NHS: variants seen among roughly 807,000 people sequenced by gnomAD.
The protein encoded by NHS is actin remodeling regulator NHS.
In NHS, 5 loss-of-function variants were observed where a neutral mutation model predicts 72.5. That is an observed-to-expected ratio of 0.07 (90% CI 0.04 to 0.14). NHS has a LOEUF of 0.14. Among genes scored for constraint, NHS ranks in the 10% least tolerant of loss-of-function variants. NHS has a pLI of 1.00. For missense variants in NHS, 1,072 were observed against 1,355.7 expected (o/e 0.79, Z 3.29); for synonymous variants, 464 against 547.7 (o/e 0.85, Z 2.13).
At chrX:17,379,792 T>C (rs1378737273) in intron 1 of NHS, among the ~76,000 whole-genome samples, 2 of 111,817 alleles carry the variant, frequency 1.8e-5, no homozygotes, top group African/African-American at 6.5e-5. Flanking sequence ...ATAGTAATAA[T>C]AATAACTGGT....
rs151101283 is a variant in NHS at position 17,505,627 on chromosome X, G to GTT, written c.565+129318_565+129319dup. Among the ~76,000 whole-genome samples, 884 of 99,519 alleles carry GTT rather than the reference G, an allele frequency of 8.9e-3. 15 individuals carry two copies. The highest frequency in any genetic ancestry group is 0.03 in the African/African-American group (828 of 27,602). The allele number at this position is 99,519 out of a possible 115,157, so 86.4% of individuals were successfully genotyped here. On this transcript the variant is annotated intron_variant, in intron 1 of 8. Coordinates refer to ENST00000676302, the MANE Select transcript of NHS (RefSeq NM_001291867.2). ...AATGAATAGTGACACCGGGATCAGT[G>GTT]TTTTTTTTTTTTTTCCATATGAGGA...
intron 8 of NHS, among the ~76,000 whole-genome samples, chrX:17,729,981 C>T (rs749794711): frequency 6.8e-4 from 76 of 112,328 alleles, no homozygotes; most frequent in Admixed American, 2.3e-3. Flanking sequence ...AGAAGGAGTA[C>T]TGCTGTTCAA....
chrX:17,438,112 C>T (rs1214750361), intron 1 of NHS, among the ~76,000 whole-genome samples: 1 of 112,117 alleles, frequency 8.9e-6, no homozygotes, highest in Non-Finnish European at 1.9e-5. Context: ...GCATTTGAAA[C>T]TTTAGTGCAT....
chrX:17,473,958 G>A (rs1195012145), intron 1 of NHS, among the ~76,000 whole-genome samples: 2 of 110,474 alleles, frequency 1.8e-5, no homozygotes, highest in Admixed American at 1.9e-4. Context: ...GGGGGTACAC[G>A]TGAAGGTTTG....
chrX:17,548,393 C>T (rs1353801099), intron 1 of NHS, among the ~76,000 whole-genome samples: 2 of 111,089 alleles, frequency 1.8e-5, no homozygotes, highest in East Asian at 2.8e-4. Flanking sequence ...CACATTTTTC[C>T]TGGGCTCCAT....
chrX:17,429,656 A>C (rs965119159), intron 1 of NHS, among the ~76,000 whole-genome samples: 1 of 111,529 alleles, frequency 9.0e-6, no homozygotes, highest in Non-Finnish European at 1.9e-5. Context: ...AGGCAAACCC[A>C]GGATCCATGC....
intron 3 of NHS, among the ~76,000 whole-genome samples, chrX:17,710,013 G>A (rs1437999422): frequency 8.9e-6 from 1 of 111,804 alleles, no homozygotes; most frequent in Non-Finnish European, 1.9e-5. Context: ...ACCACTGCTG[G>A]GACAATGCTA....
rs1235606186 is a variant in NHS, at chrX:17,624,777, C to G, written c.566-62965C>G. Among the ~76,000 whole-genome samples the G allele has an allele frequency of 2.7e-5, 3 of 112,686 alleles. No individual in the cohort carries two copies. In the Admixed American group the frequency reaches 2.8e-4, roughly 11 times the overall value. Reference sequence around the variant, plus strand: ...GAGAGAAAGCCCTCAGGCAGAACAACAGAGAGAACTGGATGGTTGTGGTGG... The same window carrying G: ...GAGAGAAAGCCCTCAGGCAGAACAAGAGAGAGAACTGGATGGTTGTGGTGG... On this transcript the variant is annotated intron_variant, in intron 1 of 8. Transcript: ENST00000676302.
rs775384162 is a variant in NHS, at chrX:17,653,155, G to A, written c.566-34587G>A. Among the ~76,000 whole-genome samples, 5 of 112,377 alleles carry A rather than the reference G, an allele frequency of 4.4e-5. No individual in the cohort carries two copies. In the South Asian group the frequency reaches 1.9e-3, roughly 42 times the overall value. On this transcript the variant is annotated intron_variant, in intron 1 of 8. Transcript: ENST00000676302. ...TTATGTGTGAAGACCTCAAACACAG[G>A]TAGGAAGGAACCATCTTTGTTGAGC...
intron 1 of NHS, among the ~76,000 whole-genome samples, chrX:17,482,207 C>A (rs1423816168): frequency 8.9e-6 from 1 of 112,084 alleles, no homozygotes; most frequent in African/African-American, 3.2e-5. Flanking sequence ...GGAGCTCCTG[C>A]AGTGGAATTT....
At chrX:17,539,084 T>C (rs1569276253) in intron 1 of NHS, among the ~76,000 whole-genome samples, 1 of 112,456 alleles carries the variant, frequency 8.9e-6, no homozygotes. Flanking sequence ...TCTCACTGCA[T>C]CCCCACTGCA....
intron 1 of NHS, among the ~76,000 whole-genome samples, chrX:17,571,611 A>T (rs1057132096): frequency 8.9e-5 from 10 of 111,788 alleles, no homozygotes; most frequent in African/African-American, 2.6e-4. Context: ...TCTTTTCAAA[A>T]AACCAGCTCC....
Position 17,636,171 on chromosome X carries a change from C to T in NHS, c.566-51571C>T, listed in dbSNP as rs772041095. 4.5e-5 allele frequency among the ~76,000 whole-genome samples: 5 copies of T among 111,975 alleles called. No individual in the cohort carries two copies. In the South Asian group the frequency reaches 1.5e-3, roughly 34 times the overall value. On this transcript the variant is annotated intron_variant, in intron 1 of 8. Transcript: ENST00000676302. ...AGATTACAGAGAAAGACTTGTTTAT[C>T]TCCCAGTGTCCCCAAAACAGCCCTA...
At chrX:17,385,846 A>G (rs759114405) in intron 1 of NHS, among the ~76,000 whole-genome samples, 5 of 112,545 alleles carry the variant, frequency 4.4e-5, no homozygotes, top group Non-Finnish European at 7.5e-5. Flanking sequence ...CATCCTTCAA[A>G]GTGAAATTAA....
intron 1 of NHS, among the ~76,000 whole-genome samples, chrX:17,383,646 TACTC>T (rs780989539): frequency 1.8e-5 from 2 of 112,175 alleles, no homozygotes; most frequent in African/African-American, 6.5e-5. Flanking sequence ...CAAGAGAACT[TACTC>T]ACTGTCACTA....
chrX:17,634,096 C>T (rs2065832775), intron 1 of NHS, among the ~76,000 whole-genome samples: 1 of 111,943 alleles, frequency 8.9e-6, no homozygotes, highest in Non-Finnish European at 1.9e-5. Flanking sequence ...GGGAGGGGAT[C>T]AGTGCAATCA....
chrX:17,723,653 G>T (rs1008258313), intron 5 of NHS, among the ~76,000 whole-genome samples: 3 of 109,452 alleles, frequency 2.7e-5, no homozygotes, highest in Admixed American at 9.8e-5. Context: ...GTAAATAGAA[G>T]AAAGTAGACA....
chrX:17,429,267 C>T (rs746120963), intron 1 of NHS, among the ~76,000 whole-genome samples: 32 of 109,093 alleles, frequency 2.9e-4, no homozygotes, highest in African/African-American at 9.2e-4. Flanking sequence ...TGCACACGTG[C>T]GCGCGCGCTA....
At chrX:17,625,454 G>C (rs1200741808) in intron 1 of NHS, among the ~76,000 whole-genome samples, 4 of 112,172 alleles carry the variant, frequency 3.6e-5, no homozygotes, top group Non-Finnish European at 7.5e-5. Context: ...CTTTAGAATA[G>C]AAACGTCCAA....
Sources: allele counts gnomAD v4.1 joint callset (sites outside exome capture counted in the v4.1 genomes callset), GRCh38; gene constraint gnomAD v4.1.1; transcripts MANE v1.5; gene names NCBI Gene and HGNC (gene_info 2026-07-23, HGNC 2026-07-21).